The following GFOD2 variants were observed in gnomAD, a reference collection of about 807,000 sequenced individuals.
The protein encoded by GFOD2 is glucose-fructose oxidoreductase domain-containing protein 2.
GFOD2 carries 9 observed loss-of-function variants against 24.6 expected under a neutral mutation model. The ratio of observed to expected loss-of-function variants is 0.37; its 90% CI spans 0.22 to 0.64. The LOEUF (loss-of-function observed/expected upper bound fraction) is 0.64, where lower values mean the gene tolerates loss of function less well. GFOD2 is among the 30% of genes least tolerant of loss of function. The pLI is 0.65. For missense variants in GFOD2, 476 were observed against 532.5 expected (o/e 0.89, Z 1.04); for synonymous variants, 211 against 224.8 (o/e 0.94, Z 0.55).
intron 1 of GFOD2, among the ~76,000 whole-genome samples, chr16:67,691,656 C>T (rs904698568): frequency 1.4e-4 from 21 of 152,100 alleles, no homozygotes; most frequent in Non-Finnish European, 2.8e-4. Context: ...CTGTACCCCC[C>T]CAGGAGCTCC....
intron 1 of GFOD2, among the ~76,000 whole-genome samples, chr16:67,696,014 C>CA (rs2053356175): frequency 7.0e-6 from 1 of 142,710 alleles, no homozygotes; most frequent in Non-Finnish European, 1.5e-5. Context: ...ATAGGGAACC[C>CA]TTTTTTTTTT....
chr16:67,707,313 G>A (rs1038258068), intron 1 of GFOD2, among the ~76,000 whole-genome samples: 8 of 149,366 alleles, frequency 5.4e-5, no homozygotes, highest in South Asian at 2.1e-4. Context: ...AGTGAAGATC[G>A]CGCCATTGCA....
intron 1 of GFOD2, among the ~76,000 whole-genome samples, chr16:67,687,388 C>T (rs1442287946): frequency 1.3e-5 from 2 of 151,682 alleles, no homozygotes; most frequent in Non-Finnish European, 2.9e-5. Context: ...TGCCTGTAAT[C>T]CCAGCACTTT....
chr16:67,700,204 T>C (rs1369812947), intron 1 of GFOD2, among the ~76,000 whole-genome samples: 2 of 151,728 alleles, frequency 1.3e-5, no homozygotes, highest in East Asian at 1.9e-4. Context: ...TAAAACCCCA[T>C]CTCTACTAAA....
At position 67,685,669 on chromosome 16, in the gene GFOD2, G is replaced by A; in HGVS notation, c.47C>T (p.Ala16Val). The change falls in exon 2 of 3, where the codon GCC becomes GTC. Residue 16 changes from alanine (A) to valine (V), a missense_variant. Ala to Val is a moderately conservative substitution (Grantham distance 64). Transcript: ENST00000268797. ...CCTCAGCAGTGGGACCAGAACTCGG[G>A]CGGAGCTGCCAGTCCCAAACACGCC... ...GVGVFGTGSS[A>V]RVLVPLLRAE... 4 of 1,613,872 alleles carry A rather than the reference G, an allele frequency of 2.5e-6. No homozygotes were observed. The highest frequency in any genetic ancestry group is 3.4e-6 in the Non-Finnish European group (4 of 1,180,022).
At chr16:67,679,221 ATTTCTTTTTTT>A (rs1463806306) in intron 2 of GFOD2, among the ~76,000 whole-genome samples, 3 of 151,106 alleles carry the variant, frequency 2.0e-5, no homozygotes, top group South Asian at 2.1e-4. Flanking sequence ...CAGGTAAATA[ATTTCTTTTTTT>A]TTTCTTTTTT....
rs577424012 is a variant in GFOD2 at position 67,681,189 on chromosome 16, C to G, written c.259+4268G>C. On this transcript the variant is annotated intron_variant, in intron 2 of 2. Transcript: ENST00000268797. ...GAGGAAATGAGGTTCTCAGACACCC[C>G]ACCTGAGAGCTGCTGTTCTGGCCAA... The G allele has an allele frequency of 6.0e-5, 59 of 985,480 alleles. No homozygotes were observed. In the African/African-American group the frequency reaches 9.8e-4, roughly 16 times the overall value. 61.0% of individuals were successfully genotyped at this position (985,480 alleles called of 1,614,324 possible). A position where few individuals can be genotyped will look rare whatever the true frequency, so the allele number is the denominator to read the frequency against.
intron 1 of GFOD2, among the ~76,000 whole-genome samples, chr16:67,698,672 T>C (rs1431822321): frequency 1.3e-5 from 2 of 152,020 alleles, no homozygotes; most frequent in East Asian, 1.9e-4. Flanking sequence ...AGACACGGGG[T>C]TTCCCCATAT....
intron 2 of GFOD2, chr16:67,676,312 G>A (rs2053185061): frequency 2.2e-6 from 1 of 444,986 alleles, no homozygotes; most frequent in East Asian, 4.3e-5. Flanking sequence ...TTTTTTTTTT[G>A]TAGAGATGGG....
chr16:67,687,950 C>T (rs761885709), intron 1 of GFOD2, among the ~76,000 whole-genome samples: 1 of 152,132 alleles, frequency 6.6e-6, no homozygotes, highest in African/African-American at 2.4e-5. Flanking sequence ...TGCACTCTAG[C>T]CTGGGCAATA....
intron 1 of GFOD2, among the ~76,000 whole-genome samples, chr16:67,718,748 G>A (rs1446790070): frequency 6.6e-6 from 1 of 152,158 alleles, no homozygotes; most frequent in Non-Finnish European, 1.5e-5. Context: ...GAAAGGGGAC[G>A]AACCAGCTAC....
At chr16:67,717,791 G>A (rs916427625) in intron 1 of GFOD2, among the ~76,000 whole-genome samples, 13 of 82,962 alleles carry the variant, frequency 1.6e-4, no homozygotes, top group Admixed American at 1.1e-3. Context: ...ACTCCGTCTC[G>A]ATAGATAGAT....
In GFOD2 at chr16:67,685,779, A is replaced by T; in HGVS notation, c.-64T>A. 6.5e-7 allele frequency: 1 copy of T among 1,550,174 alleles called. No homozygotes were observed. Among genetic ancestry groups the T allele is most frequent in the Non-Finnish European group, 8.7e-7 (1 of 1,148,550 alleles). On this transcript the variant is annotated 5_prime_UTR_variant, in exon 2 of 3. Coordinates refer to ENST00000268797, the MANE Select transcript of GFOD2 (RefSeq NM_030819.4). ...GCCTCTGGCATGGATATGATCTTCC[A>T]AACGTCCTGGTCAGACATGGCTCCT...
At chr16:67,713,889 T>C (rs2053491783) in intron 1 of GFOD2, among the ~76,000 whole-genome samples, 1 of 152,066 alleles carries the variant, frequency 6.6e-6, no homozygotes, top group Admixed American at 6.5e-5. Flanking sequence ...AGCCTGAAAC[T>C]ACCCAGGAGC....
intron 1 of GFOD2, among the ~76,000 whole-genome samples, chr16:67,715,348 C>G (rs1192238029): frequency 6.6e-6 from 1 of 152,252 alleles, no homozygotes; most frequent in African/African-American, 2.4e-5. Flanking sequence ...GCATGAGCCA[C>G]CGCGCCTGGC....
chr16:67,713,615 A>AG (rs1567663215), intron 1 of GFOD2, among the ~76,000 whole-genome samples: 3 of 152,170 alleles, frequency 2.0e-5, no homozygotes, highest in Non-Finnish European at 4.4e-5. Flanking sequence ...ACACTTACTT[A>AG]TATTTACTGG....
chr16:67,714,621 T>TAA (rs1427248842), intron 1 of GFOD2, among the ~76,000 whole-genome samples: 2 of 151,878 alleles, frequency 1.3e-5, no homozygotes, highest in Non-Finnish European at 2.9e-5. Flanking sequence ...CAAGTAGAAG[T>TAA]GTTTTGGGTT....
At chr16:67,708,061 T>A (rs1425246667) in intron 1 of GFOD2, among the ~76,000 whole-genome samples, 1 of 152,166 alleles carries the variant, frequency 6.6e-6, no homozygotes, top group Non-Finnish European at 1.5e-5. Context: ...ATGGAAATGT[T>A]CTGTATCTTG....
chr16:67,712,857 G>T (rs1022781942), intron 1 of GFOD2, among the ~76,000 whole-genome samples: 1 of 101,198 alleles, frequency 9.9e-6, no homozygotes, highest in Non-Finnish European at 1.8e-5. Flanking sequence ...CTTCCCCGCC[G>T]CCATCCCATC....
Sources: gnomAD v4.1 joint callset for allele counts (sites outside exome capture counted in the v4.1 genomes callset) on GRCh38, gnomAD v4.1.1 for gene constraint, MANE v1.5 for transcripts, NCBI Gene and HGNC (gene_info 2026-07-23, HGNC 2026-07-21) for gene names.